KSR1: variants seen among roughly 807,000 people sequenced by gnomAD.
The protein encoded by KSR1 is kinase suppressor of ras.
A neutral mutation model predicts 92.9 loss-of-function variants in KSR1; 35 were observed. The ratio of observed to expected loss-of-function variants is 0.38; its 90% CI spans 0.29 to 0.50. The LOEUF (loss-of-function observed/expected upper bound fraction) is 0.50. KSR1 is among the 20% of genes least tolerant of loss of function. The pLI, the probability that KSR1 is intolerant of heterozygous loss-of-function variation, is 0.94. For missense variants in KSR1, 972 were observed against 1,158.5 expected (o/e 0.84, Z 2.34); for synonymous variants, 467 against 472.6 (o/e 0.99, Z 0.15).
intron 2 of KSR1, among the ~76,000 whole-genome samples, chr17:27,558,709 T>G (rs1371039605): frequency 1.3e-5 from 2 of 152,010 alleles, no homozygotes; most frequent in Non-Finnish European, 2.9e-5. Context: ...TTTTGTTTTT[T>G]TTTTTTTTCT....
At chr17:27,565,597 G>A (rs764375186) in intron 2 of KSR1, among the ~76,000 whole-genome samples, 1 of 152,066 alleles carries the variant, frequency 6.6e-6, no homozygotes, top group Non-Finnish European at 1.5e-5. Flanking sequence ...TAATTTTTTT[G>A]TATTTTTGGT....
At chr17:27,587,292 T>A (rs2073004117) in intron 5 of KSR1, 1 of 152,210 alleles carries the variant, frequency 6.6e-6, no homozygotes, top group East Asian at 1.9e-4. Flanking sequence ...GATAGATTGT[T>A]CCTATCCCCC....
intron 1 of KSR1, among the ~76,000 whole-genome samples, chr17:27,520,633 G>A (rs2151019589): frequency 6.6e-6 from 1 of 152,362 alleles, no homozygotes; most frequent in South Asian, 2.1e-4. Context: ...GCACAGTGGA[G>A]CTTTGTTCTT....
chr17:27,487,786 G>A (rs1397942620), intron 1 of KSR1, among the ~76,000 whole-genome samples: 1 of 152,102 alleles, frequency 6.6e-6, no homozygotes, highest in African/African-American at 2.4e-5. Flanking sequence ...GGTGAAGGGG[G>A]AGCAGGTGTG....
intron 17 of KSR1, among the ~76,000 whole-genome samples, 156 bp downstream of exon 17, chr17:27,610,354 G>T (rs2073880726): frequency 6.6e-6 from 1 of 152,048 alleles, no homozygotes; most frequent in Non-Finnish European, 1.5e-5. Context: ...CTTGTTGAGT[G>T]CATGGTCTTG....
At chr17:27,612,418 G>A (rs1393017962) in intron 18 of KSR1, among the ~76,000 whole-genome samples, 4 of 152,212 alleles carry the variant, frequency 2.6e-5, no homozygotes, top group East Asian at 1.9e-4. Flanking sequence ...GAGTATTTTT[G>A]TATAAGGTTG....
intron 1 of KSR1, among the ~76,000 whole-genome samples, chr17:27,513,025 AATT>A (rs2069659114): frequency 2.0e-5 from 3 of 152,192 alleles, no homozygotes; most frequent in Non-Finnish European, 4.4e-5. Flanking sequence ...TTCTTAAAAT[AATT>A]ATTTACCCAA....
chr17:27,521,334 CT>C (rs759201177), intron 1 of KSR1, among the ~76,000 whole-genome samples: 2,236 of 134,874 alleles, frequency 0.017, 17 homozygotes, highest in African/African-American at 0.044. Flanking sequence ...AAGGCCATTC[CT>C]TTTTTTTTTT....
At chr17:27,481,330 TTG>T (rs2068502620) in intron 1 of KSR1, among the ~76,000 whole-genome samples, 1 of 152,236 alleles carries the variant, frequency 6.6e-6, no homozygotes, top group Admixed American at 6.5e-5. Context: ...GTTTTCTTGT[TTG>T]TGGAAACAAG....
At chr17:27,492,451 C>T (rs955407277) in intron 1 of KSR1, among the ~76,000 whole-genome samples, 1 of 152,186 alleles carries the variant, frequency 6.6e-6, no homozygotes, top group Non-Finnish European at 1.5e-5. Flanking sequence ...AGATCTTCCT[C>T]GAGAGTCAAT....
Position 27,603,779 on chromosome 17 carries a change from C to G in KSR1, c.1511-55C>G. ...GTGCTGGGTTTCAAGCACGGTGTCT[C>G]TTTGGGGAGAGGAAAGCAATCTCAT... is the stretch of plus-strand genomic sequence containing the variant. On this transcript the variant is annotated intron_variant, in intron 11 of 20. Coordinates refer to ENST00000644974, the MANE Select transcript of KSR1 (RefSeq NM_001394583.1). 6 of 1,586,914 alleles carry G rather than the reference C, an allele frequency of 3.8e-6. No individual in the cohort carries two copies. In the South Asian group the frequency reaches 5.5e-5, roughly 15 times the overall value.
intron 11 of KSR1, chr17:27,601,873 T>C (rs1431280638): frequency 9.4e-6 from 15 of 1,598,740 alleles, no homozygotes; most frequent in Non-Finnish European, 1.3e-5. Flanking sequence ...GGCTTCACCC[T>C]TCTGTGCCTT....
chr17:27,568,145 G>GA (rs1283757669), intron 2 of KSR1, among the ~76,000 whole-genome samples: 5 of 152,234 alleles, frequency 3.3e-5, no homozygotes, highest in Non-Finnish European at 2.9e-5. Flanking sequence ...TGCCTGAGGG[G>GA]AGCAGGAGCT....
chr17:27,532,856 G>A (rs1458469675), intron 1 of KSR1, among the ~76,000 whole-genome samples: 1 of 152,210 alleles, frequency 6.6e-6, no homozygotes, highest in Non-Finnish European at 1.5e-5. Flanking sequence ...AGCACAGTGG[G>A]AAAGGTCAGC....
intron 1 of KSR1, among the ~76,000 whole-genome samples, chr17:27,532,602 G>T (rs1465205519): frequency 6.6e-6 from 1 of 152,228 alleles, no homozygotes. Context: ...GGAGGCCCTC[G>T]CTCTGGTTCT....
chr17:27,572,846 A>G (rs2072362793), intron 2 of KSR1, among the ~76,000 whole-genome samples: 1 of 152,200 alleles, frequency 6.6e-6, no homozygotes, highest in South Asian at 2.1e-4. Flanking sequence ...CTGTTGAGTC[A>G]TGATACTGGG....
rs1025148418 is a variant in KSR1 at position 27,617,481 on chromosome 17, C to G, written c.2627+53C>G. 8.9e-6 allele frequency: 14 copies of G among 1,576,752 alleles called. No individual in the cohort carries two copies. In the African/African-American group the frequency reaches 1.9e-4, roughly 21 times the overall value. On this transcript the variant is annotated intron_variant, in intron 19 of 20. Transcript: ENST00000644974. ...GCCAGCCAGGCCCTCGCAGCCTCAC[C>G]TGGGGTCTTAGAGGGCACCTTCTGA... is the stretch of plus-strand genomic sequence containing the variant.
Position 27,619,061 on chromosome 17 carries a change from A to G in KSR1, c.2627+1633A>G, listed in dbSNP as rs563317607. Among the ~76,000 whole-genome samples the G allele has an allele frequency of 7.0e-4, 107 of 152,276 alleles. 1 individual carries two copies. The highest frequency in any genetic ancestry group is 1.0e-3 in the Non-Finnish European group (71 of 68,012). On this transcript the variant is annotated intron_variant, in intron 19 of 20. Transcript: ENST00000644974. ...AATCTCCCACAGAGTCCCGCTCTATAAAACCCATAAAGTGGAGCTGCTCTT... is the reference window on the plus strand; with the variant it reads ...AATCTCCCACAGAGTCCCGCTCTATGAAACCCATAAAGTGGAGCTGCTCTT...
chr17:27,593,289 C>G (rs2073229899), intron 9 of KSR1, among the ~76,000 whole-genome samples: 1 of 152,254 alleles, frequency 6.6e-6, no homozygotes, highest in Admixed American at 6.5e-5. Context: ...ACAGGTATGC[C>G]TGGCATCTGG....
Sources: allele counts gnomAD v4.1 joint callset (sites outside exome capture counted in the v4.1 genomes callset), GRCh38; gene constraint gnomAD v4.1.1; transcripts MANE v1.5; gene names NCBI Gene and HGNC (gene_info 2026-07-23, HGNC 2026-07-21).